The following SRGAP3 variants were observed in gnomAD, a reference collection of about 807,000 sequenced individuals.
SRGAP3 encodes SLIT-ROBO Rho GTPase activating protein 3.
Under a neutral mutation model 121.1 loss-of-function variants are expected in SRGAP3, and 39 were observed. The ratio of observed to expected loss-of-function variants is 0.32; its 90% CI spans 0.25 to 0.42. The LOEUF is 0.42. SRGAP3 is among the 10% of genes least tolerant of loss of function. SRGAP3 has a pLI of 1.00. For synonymous variants in SRGAP3, 601 were observed against 570.0 expected (o/e 1.05, Z -0.77); for missense variants, 1,213 against 1,470.6 (o/e 0.82, Z 2.86).
intron 1 of SRGAP3, chr3:9,349,821 A>G (rs1035726654): frequency 1.3e-5 from 2 of 152,252 alleles, no homozygotes; most frequent in Non-Finnish European, 2.9e-5. Flanking sequence ...GCCATTCCTC[A>G]TACCAACATG....
intron 8 of SRGAP3, among the ~76,000 whole-genome samples, chr3:9,055,132 A>C (rs1945760086): frequency 6.6e-6 from 1 of 152,240 alleles, no homozygotes; most frequent in African/African-American, 2.4e-5. Context: ...AGGTTTGAAA[A>C]ACAAATATAT....
chr3:9,166,918 C>G (rs1486158970), intron 1 of SRGAP3, among the ~76,000 whole-genome samples: 2 of 152,182 alleles, frequency 1.3e-5, no homozygotes, highest in Non-Finnish European at 2.9e-5. Context: ...CCCACCCTGA[C>G]CTTGTCAACT....
intron 17 of SRGAP3, among the ~76,000 whole-genome samples, chr3:9,012,409 T>G (rs1453890645): frequency 6.6e-6 from 1 of 152,248 alleles, no homozygotes; most frequent in Non-Finnish European, 1.5e-5. Context: ...CTGAATTTCC[T>G]GTCTTCACCA....
At chr3:9,213,623 G>A (rs770568857) in intron 1 of SRGAP3, among the ~76,000 whole-genome samples, 5 of 152,292 alleles carry the variant, frequency 3.3e-5, no homozygotes, top group Non-Finnish European at 7.4e-5. Context: ...ACTCTAGGAG[G>A]AGAGATCTTT....
rs992187920 is a variant in SRGAP3, at chr3:8,997,737, C to T, written c.2228-3214G>A. ...ACATGCATGGAACACAACTAAATTCCGCTATGCACATTTTACGATGCTAGA... is the reference window on the plus strand; with the variant it reads ...ACATGCATGGAACACAACTAAATTCTGCTATGCACATTTTACGATGCTAGA... On this transcript the variant is annotated intron_variant, in intron 18 of 21. Transcript: ENST00000383836. Among the ~76,000 whole-genome samples, 6 of 152,254 alleles carry T rather than the reference C, an allele frequency of 3.9e-5. No individual in the cohort carries two copies. In the South Asian group the frequency reaches 6.2e-4, roughly 16 times the overall value.
intron 1 of SRGAP3, among the ~76,000 whole-genome samples, chr3:9,176,531 T>C (rs1951186597): frequency 6.6e-6 from 1 of 152,216 alleles, no homozygotes; most frequent in African/African-American, 2.4e-5. Context: ...TGTTAGTCCA[T>C]TATTGCACTG....
chr3:9,025,427 T>C (rs1944145214), intron 13 of SRGAP3, 89 bp from the exon 14 acceptor site: 1 of 1,347,722 alleles, frequency 7.4e-7, no homozygotes, highest in Non-Finnish European at 1.1e-6. Flanking sequence ...ACTCTCCCCA[T>C]TGCTTGTCTC....
At chr3:9,030,677 C>T (rs1411724468) in intron 12 of SRGAP3, among the ~76,000 whole-genome samples, 2 of 152,096 alleles carry the variant, frequency 1.3e-5, no homozygotes, top group Non-Finnish European at 2.9e-5. Flanking sequence ...ATATAGGACC[C>T]CTCTATTACG....
At chr3:9,296,422 C>T (rs377104061) in intron 3 of SRGAP3, among the ~76,000 whole-genome samples, 1 of 152,250 alleles carries the variant, frequency 6.6e-6, no homozygotes. Flanking sequence ...TGCTTATTGG[C>T]CATTTATCCC....
chr3:9,096,128 A>T (rs1018731590), intron 3 of SRGAP3, among the ~76,000 whole-genome samples: 9 of 152,198 alleles, frequency 5.9e-5, no homozygotes, highest in African/African-American at 2.2e-4. Flanking sequence ...TTATTGTCTT[A>T]ATTTTCTTAT....
chr3:9,119,586 T>C (rs1156433659), intron 2 of SRGAP3, among the ~76,000 whole-genome samples: 1 of 152,194 alleles, frequency 6.6e-6, no homozygotes. Flanking sequence ...CCTCCAATGA[T>C]AGGAGGGCTT....
intron 1 of SRGAP3, among the ~76,000 whole-genome samples, chr3:9,169,005 C>T (rs1261033224): frequency 6.6e-6 from 1 of 152,220 alleles, no homozygotes; most frequent in Non-Finnish European, 1.5e-5. Flanking sequence ...CTCAACTGAT[C>T]CTTCCACCCT....
At chr3:9,087,152 T>C (rs185277439) in intron 3 of SRGAP3, among the ~76,000 whole-genome samples, 1 of 152,298 alleles carries the variant, frequency 6.6e-6, no homozygotes, top group Admixed American at 6.5e-5. Context: ...TGAATGAATC[T>C]ATGAACGAAT....
chr3:9,111,442 G>A (rs180815863), intron 2 of SRGAP3, among the ~76,000 whole-genome samples: 76 of 152,358 alleles, frequency 5.0e-4, no homozygotes, highest in African/African-American at 1.4e-3. Context: ...TCAGGGCGGA[G>A]AGCCTGGTGC....
In SRGAP3 at chr3:8,982,278, T is replaced by C. The variant is rs1027478816; in HGVS notation, c.*3241A>G. The C allele has an allele frequency of 4.4e-6, 1 of 226,810 alleles. No homozygotes were observed. Among genetic ancestry groups the C allele is most frequent in the Admixed American group, 5.7e-5 (1 of 17,512 alleles). 14.0% of individuals were successfully genotyped at this position (226,810 alleles called of 1,614,324 possible). The stretch of plus-strand genomic sequence containing the variant: ...AAGGTTAAGAAAAGAAATCATTCCA[T>C]GAAGCAAAGAAAAAAAAATGCCCGT... On this transcript the variant is annotated 3_prime_UTR_variant, in exon 22 of 22. Coordinates refer to ENST00000383836, the MANE Select transcript of SRGAP3 (RefSeq NM_014850.4).
At chr3:9,345,328 CA>C (rs1955864501) in intron 1 of SRGAP3, among the ~76,000 whole-genome samples, 1 of 151,464 alleles carries the variant, frequency 6.6e-6, no homozygotes, top group African/African-American at 2.4e-5. Flanking sequence ...CCTGTCCCTG[CA>C]AAAATAAAAA....
intron 10 of SRGAP3, 58 bp from the exon 11 acceptor site, chr3:9,038,148 A>C: frequency 6.2e-7 from 1 of 1,608,774 alleles, no homozygotes; most frequent in Non-Finnish European, 8.5e-7. Context: ...TCCAAAGAAC[A>C]TTCATCTTTT....
chr3:9,100,420 C>T (rs542186657), intron 3 of SRGAP3, among the ~76,000 whole-genome samples: 1 of 152,178 alleles, frequency 6.6e-6, no homozygotes, highest in South Asian at 2.1e-4. Context: ...AACAGGAGGC[C>T]AAAGAATTGA....
chr3:9,245,814 C>T (rs1001222627), intron 1 of SRGAP3, among the ~76,000 whole-genome samples: 2 of 152,272 alleles, frequency 1.3e-5, no homozygotes, highest in Non-Finnish European at 2.9e-5. Flanking sequence ...ATGCCAGCTA[C>T]TCGGGAGGCT....
Sources: gnomAD v4.1 joint callset for allele counts (sites outside exome capture counted in the v4.1 genomes callset) on GRCh38, gnomAD v4.1.1 for gene constraint, MANE v1.5 for transcripts, NCBI Gene and HGNC (gene_info 2026-07-23, HGNC 2026-07-21) for gene names.